The following STOX2 variants were observed in gnomAD, a reference collection of about 807,000 sequenced individuals.
The protein encoded by STOX2 is storkhead-box protein 2.
In STOX2, 28 loss-of-function variants were observed where a neutral mutation model predicts 60.9. The ratio of observed to expected loss-of-function variants is 0.46; its 90% CI spans 0.34 to 0.63. STOX2 has a LOEUF of 0.63. Ranked by LOEUF, STOX2 falls within the 30% of genes least tolerant of loss-of-function variation. The pLI is 0.01. For synonymous variants in STOX2, 472 were observed against 463.9 expected, an observed-to-expected ratio of 1.02 and a Z score of -0.22; for missense variants, 1,024 against 1,187.7, an observed-to-expected ratio of 0.86 and a Z score of 2.03.
intron 1 of STOX2, among the ~76,000 whole-genome samples, chr4:183,963,938 G>A (rs1335535292): frequency 6.6e-6 from 1 of 151,710 alleles, no homozygotes; most frequent in African/African-American, 2.4e-5. Context: ...ACCACGCCCG[G>A]CTTATTTTTT....
intron 1 of STOX2, among the ~76,000 whole-genome samples, chr4:183,863,673 G>A (rs1740501550): frequency 1.3e-5 from 2 of 152,308 alleles, no homozygotes; most frequent in African/African-American, 4.8e-5. Context: ...TGGTTTAAAA[G>A]ATAAATGTTC....
At chr4:183,845,562 T>G (rs1345410091) in intron 1 of STOX2, among the ~76,000 whole-genome samples, 3 of 152,128 alleles carry the variant, frequency 2.0e-5, no homozygotes, top group Non-Finnish European at 4.4e-5. Context: ...CTGGCAGCAG[T>G]TTTGAACAAG....
intron 1 of STOX2, among the ~76,000 whole-genome samples, chr4:183,835,632 T>G (rs1483373789): frequency 6.6e-6 from 1 of 152,192 alleles, no homozygotes; most frequent in African/African-American, 2.4e-5. Flanking sequence ...TTATTGTTCC[T>G]CACATTGTTA....
Position 183,970,139 on chromosome 4 carries a change from C to T in STOX2, c.167-31186C>T, listed in dbSNP as rs199872017. Among the ~76,000 whole-genome samples, 26 of 126,984 alleles carry T rather than the reference C, an allele frequency of 2.0e-4. No homozygotes were observed. In the Middle Eastern group the frequency reaches 0.012, roughly 57 times the overall value. 83.3% of individuals were successfully genotyped at this position (126,984 alleles called of 152,430 possible). On this transcript the variant is annotated intron_variant, in intron 1 of 3. Coordinates refer to ENST00000308497, the MANE Select transcript of STOX2 (RefSeq NM_020225.3). Reference sequence around the variant, plus strand: ...CAATCTCAGTCTATAACTACATGTACGTGTGTGTGTGTGTGTGTGTGTGTG... The same window carrying T: ...CAATCTCAGTCTATAACTACATGTATGTGTGTGTGTGTGTGTGTGTGTGTG...
At chr4:183,946,875 C>T (rs575642439) in intron 1 of STOX2, among the ~76,000 whole-genome samples, 2 of 152,308 alleles carry the variant, frequency 1.3e-5, no homozygotes, top group African/African-American at 4.8e-5. Flanking sequence ...TCCACCCCCT[C>T]CTTGGCCTCC....
At chr4:183,838,501 A>G (rs556418127) in intron 1 of STOX2, among the ~76,000 whole-genome samples, 10 of 152,362 alleles carry the variant, frequency 6.6e-5, no homozygotes, top group Non-Finnish European at 1.5e-4. Context: ...GAACATATCT[A>G]TATAAATCTT....
At chr4:183,822,010 G>T (rs975455587) in intron 1 of STOX2, among the ~76,000 whole-genome samples, 1 of 152,248 alleles carries the variant, frequency 6.6e-6, no homozygotes, top group African/African-American at 2.4e-5. Flanking sequence ...CTGGCTGGGG[G>T]TGCCTAGGTC....
At chr4:183,916,828 G>A (rs566478039) in intron 1 of STOX2, among the ~76,000 whole-genome samples, 25 of 152,252 alleles carry the variant, frequency 1.6e-4, no homozygotes, top group African/African-American at 5.5e-4. Flanking sequence ...TTTCCAGAAC[G>A]CTTTTGTTTT....
At chr4:183,876,249 A>G (rs1426558602) in intron 1 of STOX2, among the ~76,000 whole-genome samples, 1 of 152,178 alleles carries the variant, frequency 6.6e-6, no homozygotes, top group Non-Finnish European at 1.5e-5. Flanking sequence ...GGTCTGATGC[A>G]TTACCCCTGA....
chr4:183,950,177 A>T (rs1410355700), intron 1 of STOX2, among the ~76,000 whole-genome samples: 1 of 152,230 alleles, frequency 6.6e-6, no homozygotes, highest in Non-Finnish European at 1.5e-5. Flanking sequence ...CTCTTGGTAG[A>T]TTAAGACACT....
chr4:183,917,946 T>G (rs1020563037), intron 1 of STOX2, among the ~76,000 whole-genome samples: 2 of 152,266 alleles, frequency 1.3e-5, no homozygotes, highest in African/African-American at 4.8e-5. Context: ...TTATAGTTGT[T>G]AAACGTGGAT....
chr4:183,919,041 G>A (rs939156221), intron 1 of STOX2, among the ~76,000 whole-genome samples: 1 of 152,180 alleles, frequency 6.6e-6, no homozygotes, highest in Non-Finnish European at 1.5e-5. Context: ...AAAACGGTAC[G>A]AAGTAACTTG....
At chr4:183,870,046 G>T (rs980470015) in intron 1 of STOX2, among the ~76,000 whole-genome samples, 2 of 152,132 alleles carry the variant, frequency 1.3e-5, no homozygotes, top group Non-Finnish European at 2.9e-5. Context: ...TCATACTTCC[G>T]TGGGCAAAAA....
At chr4:183,873,360 C>T (rs767765907) in intron 1 of STOX2, among the ~76,000 whole-genome samples, 3 of 150,586 alleles carry the variant, frequency 2.0e-5, no homozygotes. Flanking sequence ...GCAGGAGAAT[C>T]GCTTGAATCT....
intron 1 of STOX2, among the ~76,000 whole-genome samples, chr4:183,927,924 C>T (rs111876513): frequency 1.2e-4 from 19 of 152,134 alleles, no homozygotes; most frequent in African/African-American, 3.9e-4. Flanking sequence ...ACCAAGTGGC[C>T]GGGAAACAAA....
At chr4:183,846,325 A>T (rs1739989427) in intron 1 of STOX2, among the ~76,000 whole-genome samples, 1 of 152,208 alleles carries the variant, frequency 6.6e-6, no homozygotes, top group Admixed American at 6.5e-5. Flanking sequence ...TTGAATGTGT[A>T]GATTCATGCT....
Position 184,009,232 on chromosome 4 carries a change from A to T in STOX2, c.394A>T (p.Thr132Ser), listed in dbSNP as rs370299683. The change falls in exon 3 of 4, where the codon ACT becomes TCT. Residue 132 changes from threonine (T) to serine (S), a missense_variant. Transcript: ENST00000308497. This position sits in a 1 kb window ranked among gnomAD's most constrained non-coding sequence, Gnocchi z 4.0. The part of the protein sequence containing the change: ...TLVRERKIYP[T>S]PDGYFIVTPQ... The stretch of plus-strand genomic sequence containing the variant: ...GGTACGGGAGAGGAAGATCTACCCA[A>T]CTCCAGATGGCTACTTCATCGTGAC... The T allele has an allele frequency of 6.2e-7, 1 of 1,607,384 alleles. No individual in the cohort carries two copies. Among genetic ancestry groups the T allele is most frequent in the African/African-American group, 1.3e-5 (1 of 74,542 alleles).
At chr4:183,942,496 G>T (rs1383709799) in intron 1 of STOX2, among the ~76,000 whole-genome samples, 2 of 151,802 alleles carry the variant, frequency 1.3e-5, no homozygotes, top group Non-Finnish European at 2.9e-5. Context: ...ATTCTCCTGA[G>T]CTCATCCCCA....
At chr4:183,860,442 C>CAAAAAAAAAAAAAAAAAGAAAAAAAAAA (rs35753992) in intron 1 of STOX2, among the ~76,000 whole-genome samples, 1 of 121,506 alleles carries the variant, frequency 8.2e-6, no homozygotes, top group African/African-American at 3.0e-5. Flanking sequence ...AAACAAAAAA[C>CAAAAAAAAAAAAAAAAAGAAAAAAAAAA]AAAAAAAAAA....
Sources: allele counts gnomAD v4.1 joint callset (sites outside exome capture counted in the v4.1 genomes callset), GRCh38; gene constraint gnomAD v4.1.1; non-coding constraint Gnocchi (gnomAD v3.1); transcripts MANE v1.5; gene names NCBI Gene and HGNC (gene_info 2026-07-23, HGNC 2026-07-21).